LRRK1: variants seen among roughly 807,000 people sequenced by gnomAD.
LRRK1 encodes leucine-rich repeat serine/threonine-protein kinase 1.
A neutral mutation model predicts 209.1 loss-of-function variants in LRRK1; 113 were observed. The ratio of observed to expected loss-of-function variants is 0.54; its 90% CI spans 0.46 to 0.63. LRRK1 has a LOEUF of 0.63. Ranked by LOEUF, LRRK1 falls within the 30% of genes least tolerant of loss-of-function variation. The probability of loss-of-function intolerance (pLI) is 0.00; values close to 1 mark genes in which losing one functional copy is unlikely to be tolerated. For synonymous variants in LRRK1, 1,144 were observed against 1,099.7 expected (o/e 1.04, Z -0.80); for missense variants, 2,284 against 2,632.2 (o/e 0.87, Z 2.89).
chr15:101,021,234 G>T, intron 13 of LRRK1, 52 bp downstream of exon 13: 1 of 1,604,324 alleles, frequency 6.2e-7, no homozygotes, highest in Non-Finnish European at 8.5e-7. Flanking sequence ...CAGAGAGGCA[G>T]AACGCCCATC....
intron 2 of LRRK1, among the ~76,000 whole-genome samples, chr15:100,962,759 T>A (rs2030083442): frequency 7.3e-6 from 1 of 137,926 alleles, no homozygotes; most frequent in Non-Finnish European, 1.5e-5. Context: ...TAATCACAAA[T>A]AATCAGAGAA....
At chr15:101,049,227 CTG>C (rs2141127448) in intron 22 of LRRK1, among the ~76,000 whole-genome samples, 2 of 152,318 alleles carry the variant, frequency 1.3e-5, no homozygotes, top group African/African-American at 2.4e-5. Context: ...TTCTTCAGCT[CTG>C]TGAGAGGAGA....
intron 2 of LRRK1, 76 bp downstream of exon 2, chr15:100,924,805 A>C: frequency 9.4e-7 from 1 of 1,065,640 alleles, no homozygotes; most frequent in Non-Finnish European, 1.4e-6. Context: ...TAGGCTATGT[A>C]AGAACAAGGA....
intron 7 of LRRK1, 139 bp downstream of exon 7, chr15:101,009,202 C>G (rs1023875565): frequency 1.5e-6 from 1 of 682,880 alleles, no homozygotes; most frequent in Admixed American, 2.7e-5. Context: ...TTTGCCTACC[C>G]TGAGGCAAGC....
In LRRK1 at chr15:101,014,327, C is replaced by T. The variant is rs773371877; in HGVS notation, c.1431C>T (p.Phe477=). 2 of 1,612,538 alleles carry T rather than the reference C, an allele frequency of 1.2e-6. No individual in the cohort carries two copies. The highest frequency in any genetic ancestry group is 3.3e-5 in the Admixed American group (2 of 59,818). Residue 477 remains phenylalanine (F), a synonymous_variant, in exon 11 of 34, where the codon TTC becomes TTT. Coordinates refer to ENST00000388948, the MANE Select transcript of LRRK1 (RefSeq NM_024652.6). ...CCTCTCTCTCTCAGGCCCTCATGTTCTTGAGGTTACAGGGGAACCAGCTGG... is the reference window on the plus strand; with the variant it reads ...CCTCTCTCTCTCAGGCCCTCATGTTTTTGAGGTTACAGGGGAACCAGCTGG... ...LGLFQLDALM[F]LRLQGNQLAA... is the part of the protein sequence containing the mutation.
In LRRK1 at chr15:100,924,740, G is replaced by A. The variant is rs746543206; in HGVS notation, c.97+11G>A. On this transcript the variant is annotated intron_variant, in intron 2 of 33. Transcript: ENST00000388948. ...TGGAGACGCTTAACGGTAAGGACAG[G>A]GCTGTGCTTATGCCTGCCTGGGTGT... The A allele has an allele frequency of 3.1e-6, 5 of 1,603,854 alleles. No individual in the cohort carries two copies. The highest frequency in any genetic ancestry group is 4.3e-6 in the Non-Finnish European group (5 of 1,170,718).
chr15:100,956,982 A>C (rs1015917768), intron 2 of LRRK1, among the ~76,000 whole-genome samples: 2 of 151,930 alleles, frequency 1.3e-5, no homozygotes, highest in African/African-American at 2.4e-5. Flanking sequence ...AAGTTTTGGT[A>C]TGTTGTGTTT....
intron 3 of LRRK1, among the ~76,000 whole-genome samples, chr15:100,980,681 A>C (rs1478196665): frequency 1.6e-5 from 2 of 123,054 alleles, no homozygotes; most frequent in African/African-American, 6.3e-5. Context: ...TGAATCTCTG[A>C]TTATTTCAAA....
At chr15:101,048,060 A>C (rs2035185296) in intron 21 of LRRK1, among the ~76,000 whole-genome samples, 1 of 152,066 alleles carries the variant, frequency 6.6e-6, no homozygotes, top group Non-Finnish European at 1.5e-5. Context: ...TTAGAAATCC[A>C]ATATGGCTTC....
chr15:100,938,656 G>C (rs1673095446), intron 2 of LRRK1, among the ~76,000 whole-genome samples: 1 of 151,392 alleles, frequency 6.6e-6, no homozygotes, highest in Admixed American at 6.6e-5. Context: ...CATACTTATA[G>C]CTTAAGAAGT....
At position 101,052,016 on chromosome 15, in the gene LRRK1, G is replaced by A. The variant is rs553034529; in HGVS notation, c.3689+56G>A. ...GTGCAGGTCACAGGGGGCGTTCCTCGCTGTGCAGTTGCCGAGTGATCTCCA... is the reference window on the plus strand; with the variant it reads ...GTGCAGGTCACAGGGGGCGTTCCTCACTGTGCAGTTGCCGAGTGATCTCCA... On this transcript the variant is annotated intron_variant, in intron 24 of 33. Transcript: ENST00000388948. 6.7e-5 allele frequency: 106 copies of A among 1,573,278 alleles called. No individual in the cohort carries two copies. The South Asian group carries it at 1.1e-3, about 16-fold the overall frequency.
At chr15:100,981,164 C>T (rs560153595) in intron 3 of LRRK1, among the ~76,000 whole-genome samples, 1 of 152,162 alleles carries the variant, frequency 6.6e-6, no homozygotes, top group South Asian at 2.1e-4. Flanking sequence ...TATGGAGCCT[C>T]CAGCCAGAAA....
At chr15:101,009,267 T>G (rs747896620) in intron 7 of LRRK1, among the ~76,000 whole-genome samples, 11 of 152,250 alleles carry the variant, frequency 7.2e-5, no homozygotes, top group Non-Finnish European at 1.5e-4. Context: ...CTGGCCCAAG[T>G]TTACACAGCT....
At position 101,068,690 on chromosome 15, in the gene LRRK1, G is replaced by A. The variant is rs371594206; in HGVS notation, c.5890G>A (p.Val1964Met). Reference sequence around the variant, plus strand: ...CTGCAGGGTGCTGGTGGATGCTGCCGTGGTGGCAAAGGACACTGTTGTGTG... The same window carrying A: ...CTGCAGGGTGCTGGTGGATGCTGCCATGGTGGCAAAGGACACTGTTGTGTG... Reference protein sequence around the residue: ...TPHGVLVDAAVVAKDTVVCTF... With the variant: ...TPHGVLVDAAMVAKDTVVCTF... Residue 1964 changes from valine to methionine, a missense_variant, in exon 34 of 34, where the codon GTG (valine) becomes ATG (methionine). Val to Met is a conservative substitution (Grantham distance 21). This residue lies in a region of LRRK1 where 643 missense variants were observed against 695.9 expected (regional missense o/e 0.92). Coordinates refer to ENST00000388948, the MANE Select transcript of LRRK1 (RefSeq NM_024652.6). The A allele has an allele frequency of 2.1e-5, 34 of 1,603,216 alleles. No individual in the cohort carries two copies. In the East Asian group the frequency reaches 2.2e-4, roughly 11 times the overall value.
chr15:101,022,333 T>A lies in LRRK1; in HGVS notation c.1853-50T>A, dbSNP rs764239013. The A allele has an allele frequency of 1.9e-6, 3 of 1,540,238 alleles. No homozygotes were observed. The South Asian group carries it at 3.4e-5, about 17-fold the overall frequency. ...CAACAGGATTTTGTGTCCTAAGAGA[T>A]GTGAGCATGTGCCCACGCAGCTACC... On this transcript the variant is annotated intron_variant, in intron 14 of 33. Transcript: ENST00000388948. The surrounding 1 kb of genome is among the most constrained non-coding windows in gnomAD (Gnocchi z 4.0).
At chr15:100,986,343 G>A (rs2031869115) in intron 4 of LRRK1, among the ~76,000 whole-genome samples, 1 of 152,242 alleles carries the variant, frequency 6.6e-6, no homozygotes, top group African/African-American at 2.4e-5. Context: ...GGGAGGAAGA[G>A]GGGCTCCTCT....
At position 101,048,631 on chromosome 15, in the gene LRRK1, G is replaced by C; in HGVS notation, c.3273G>C (p.Leu1091=). 6.5e-7 allele frequency: 1 copy of C among 1,538,958 alleles called. No individual in the cohort carries two copies. Among genetic ancestry groups the C allele is most frequent in the African/African-American group, 1.4e-5 (1 of 69,592 alleles). Residue 1091 remains leucine, a synonymous_variant, in exon 22 of 34, where the codon CTG becomes CTC. Transcript: ENST00000388948. Reference sequence around the variant, plus strand: ...CCATCTATTGGCAGGAAGGGCTCCTGGTCACTTTTGATGGGGGCTACCTCA... The same window carrying C: ...CCATCTATTGGCAGGAAGGGCTCCTCGTCACTTTTGATGGGGGCTACCTCA... ...NQTIYWQEGL[L]VTFDGGYLSV... is the part of the protein sequence containing the mutation.
At position 101,029,091 on chromosome 15, in the gene LRRK1, G is replaced by A. The variant is rs757918696; in HGVS notation, c.2822G>A (p.Arg941Gln). ...AGGATCTTTAATATTAAGGGCTCTC[G>A]GTCAGTGGCCAAGAATGGGGTGATC... is the stretch of plus-strand genomic sequence containing the variant. ...LQRIFNIKGS[R>Q]SVAKNGVIRA... The change falls in exon 20 of 34, where the codon CGG becomes CAG. Residue 941 changes from arginine (R) to glutamine (Q), a missense_variant. This residue lies in a region of LRRK1 where 780 missense variants were observed against 985.2 expected (regional missense o/e 0.79). Transcript: ENST00000388948. 3.2e-5 allele frequency: 51 copies of A among 1,614,154 alleles called. No homozygotes were observed. The highest frequency in any genetic ancestry group is 3.3e-4 in the Middle Eastern group (2 of 6,062).
chr15:101,014,311 C>G lies in LRRK1; in HGVS notation c.1420-5C>G, dbSNP rs1034914964. ...AGCTTCTCTCTCCCTCCCTCTCTCTCTCAGGCCCTCATGTTCTTGAGGTTA... is the reference window on the plus strand; with the variant it reads ...AGCTTCTCTCTCCCTCCCTCTCTCTGTCAGGCCCTCATGTTCTTGAGGTTA... On this transcript the variant is annotated splice_region_variant and splice_polypyrimidine_tract_variant and intron_variant, in intron 10 of 33. Transcript: ENST00000388948. 5 of 1,603,458 alleles carry G rather than the reference C, an allele frequency of 3.1e-6. No individual in the cohort carries two copies. The highest frequency in any genetic ancestry group is 4.3e-6 in the Non-Finnish European group (5 of 1,171,436).
Sources: allele counts gnomAD v4.1 joint callset (sites outside exome capture counted in the v4.1 genomes callset), GRCh38; gene constraint gnomAD v4.1.1; regional missense constraint gnomAD v4.1.1; non-coding constraint Gnocchi (gnomAD v3.1); transcripts MANE v1.5; gene names NCBI Gene and HGNC (gene_info 2026-07-23, HGNC 2026-07-21).